DYNC1I1: variants seen among roughly 807,000 people sequenced by gnomAD.
The protein encoded by DYNC1I1 is cytoplasmic dynein 1 intermediate chain 1.
DYNC1I1 carries 43 observed loss-of-function variants against 86.6 expected under a neutral mutation model. The observed-to-expected ratio is 0.50, with a 90% CI of 0.39 to 0.64. The LOEUF (loss-of-function observed/expected upper bound fraction) is 0.64, where lower values mean the gene tolerates loss of function less well. Among genes scored for constraint, DYNC1I1 ranks in the 30% least tolerant of loss-of-function variants. The pLI is 0.00. For missense variants in DYNC1I1, 604 were observed against 788.8 expected (o/e 0.77, Z 2.81); for synonymous variants, 262 against 283.7 (o/e 0.92, Z 0.77).
chr7:96,109,313 T>C (rs7788336), intron 16 of DYNC1I1, among the ~76,000 whole-genome samples: 25,696 of 151,688 alleles, frequency 0.17, 2,368 homozygotes, highest in Middle Eastern at 0.2. Flanking sequence ...GCTGCACCCA[T>C]TAACTCGTCT....
chr7:96,091,397 C>A (rs1790841612), intron 16 of DYNC1I1, among the ~76,000 whole-genome samples: 1 of 152,118 alleles, frequency 6.6e-6, no homozygotes, highest in Non-Finnish European at 1.5e-5. Flanking sequence ...AAAATTACTT[C>A]ATCTAATTGA....
In DYNC1I1 at chr7:95,996,125, A is replaced by G. The variant is rs774850187; in HGVS notation, c.969+52A>G. ...TTACATCTCCTGCTAGACCAAATAT[A>G]GTTTGTGCTGCATTGCATCTGTCTT... is the stretch of plus-strand genomic sequence containing the variant. On this transcript the variant is annotated intron_variant, in intron 10 of 16. Coordinates refer to ENST00000447467, the MANE Select transcript of DYNC1I1 (RefSeq NM_001135556.2). The G allele has an allele frequency of 5.6e-6, 9 of 1,611,346 alleles. No homozygotes were observed. The South Asian group carries it at 9.9e-5, about 18-fold the overall frequency.
At chr7:96,052,313 GA>G (rs1269758654) in intron 14 of DYNC1I1, among the ~76,000 whole-genome samples, 1 of 151,896 alleles carries the variant, frequency 6.6e-6, no homozygotes, top group Non-Finnish European at 1.5e-5. Flanking sequence ...CCATAACATT[GA>G]AAAAAGAAAG....
intron 5 of DYNC1I1, among the ~76,000 whole-genome samples, chr7:95,839,953 G>A (rs182301619): frequency 6.6e-6 from 1 of 152,102 alleles, no homozygotes; most frequent in African/African-American, 2.4e-5. Context: ...GTCTTATGAG[G>A]GTTCTCAGGT....
chr7:95,861,480 A>T (rs1174009747), intron 5 of DYNC1I1, among the ~76,000 whole-genome samples: 2 of 152,176 alleles, frequency 1.3e-5, no homozygotes, highest in Non-Finnish European at 1.5e-5. Context: ...ATGCGCCTTT[A>T]TTTAGGATTA....
chr7:96,091,993 A>G (rs574478514), intron 16 of DYNC1I1, among the ~76,000 whole-genome samples: 62 of 152,216 alleles, frequency 4.1e-4, no homozygotes, highest in Non-Finnish European at 7.8e-4. Context: ...ATAAATACTT[A>G]TATTTTAAAC....
intron 6 of DYNC1I1, among the ~76,000 whole-genome samples, chr7:95,889,736 A>T (rs1790687788): frequency 6.6e-6 from 1 of 152,174 alleles, no homozygotes; most frequent in Admixed American, 6.5e-5. Flanking sequence ...AAAAACTTTA[A>T]CAAATTTACA....
At position 95,851,705 on chromosome 7, in the gene DYNC1I1, C is replaced by A. The variant is rs573477799; in HGVS notation, c.375-18178C>A. On this transcript the variant is annotated intron_variant, in intron 5 of 16. Coordinates refer to ENST00000447467, the MANE Select transcript of DYNC1I1 (RefSeq NM_001135556.2). ...TTAGACCAGAGTTTCGCTCTTGTTGCCCAGGCTGGTGTGCAATGTCATGAT... is the reference window on the plus strand; with the variant it reads ...TTAGACCAGAGTTTCGCTCTTGTTGACCAGGCTGGTGTGCAATGTCATGAT... 3.8e-3 allele frequency among the ~76,000 whole-genome samples: 579 copies of A among 152,296 alleles called. 2 individuals carry two copies. Among genetic ancestry groups the A allele is most frequent in the Middle Eastern group, 0.014 (4 of 294 alleles).
At chr7:96,024,313 T>C (rs1794623379) in intron 10 of DYNC1I1, among the ~76,000 whole-genome samples, 1 of 152,188 alleles carries the variant, frequency 6.6e-6, no homozygotes, top group South Asian at 2.1e-4. Flanking sequence ...CTCATGCTAG[T>C]CTCGAACTCC....
chr7:95,937,047 G>A (rs1339991950), intron 6 of DYNC1I1, among the ~76,000 whole-genome samples: 1 of 150,344 alleles, frequency 6.7e-6, no homozygotes, highest in African/African-American at 2.4e-5. Context: ...TGAAACTTGA[G>A]GACATTATGC....
intron 10 of DYNC1I1, among the ~76,000 whole-genome samples, chr7:95,997,044 G>A (rs1793884295): frequency 6.6e-6 from 1 of 152,144 alleles, no homozygotes; most frequent in Non-Finnish European, 1.5e-5. Context: ...TTGGGGAATA[G>A]GAGCTGCTGG....
At chr7:95,908,079 G>A (rs1791222971) in intron 6 of DYNC1I1, among the ~76,000 whole-genome samples, 1 of 152,074 alleles carries the variant, frequency 6.6e-6, no homozygotes, top group Non-Finnish European at 1.5e-5. Flanking sequence ...ATTTAGTTAA[G>A]CAGTCATGGG....
chr7:95,973,450 T>A (rs1388308182), intron 6 of DYNC1I1, among the ~76,000 whole-genome samples: 1 of 152,214 alleles, frequency 6.6e-6, no homozygotes, highest in Admixed American at 6.5e-5. Context: ...GCAGGTACTA[T>A]TTTTTAAATT....
chr7:95,884,771 C>T (rs763067708), intron 6 of DYNC1I1, among the ~76,000 whole-genome samples: 8 of 138,076 alleles, frequency 5.8e-5, no homozygotes, highest in African/African-American at 1.4e-4. Flanking sequence ...CCGTTCTCCA[C>T]GAAAAGGAAG....
In DYNC1I1 at chr7:95,790,363, C is replaced by A. The variant is rs553343667; in HGVS notation, c.-9-14358C>A. Among the ~76,000 whole-genome samples the A allele has an allele frequency of 9.8e-5, 15 of 152,318 alleles. No individual in the cohort carries two copies. In the South Asian group the frequency reaches 3.1e-3, roughly 32 times the overall value. On this transcript the variant is annotated intron_variant, in intron 1 of 16. Coordinates refer to ENST00000447467, the MANE Select transcript of DYNC1I1 (RefSeq NM_001135556.2). The stretch of plus-strand genomic sequence containing the variant: ...TCACTGTTCCATCCATATCTCATTA[C>A]TTGTCCCACAAACTGGTCATTCTTC...
chr7:95,878,765 TC>T (rs1170023453), intron 6 of DYNC1I1, among the ~76,000 whole-genome samples: 8 of 151,998 alleles, frequency 5.3e-5, no homozygotes, highest in Admixed American at 5.2e-4. Context: ...AGCAAATAGT[TC>T]CATAGACACA....
intron 6 of DYNC1I1, among the ~76,000 whole-genome samples, chr7:95,966,744 A>G (rs370728813): frequency 2.6e-5 from 4 of 152,348 alleles, no homozygotes; most frequent in African/African-American, 9.6e-5. Context: ...GATTCAATAA[A>G]TCAATAGCTA....
chr7:96,050,698 T>C (rs1252416997), intron 14 of DYNC1I1, among the ~76,000 whole-genome samples: 1 of 152,182 alleles, frequency 6.6e-6, no homozygotes, highest in Non-Finnish European at 1.5e-5. Flanking sequence ...CCACTAGACC[T>C]GCTTCTTCAA....
chr7:95,952,970 T>C (rs965921622), intron 6 of DYNC1I1, among the ~76,000 whole-genome samples: 2 of 151,740 alleles, frequency 1.3e-5, no homozygotes, highest in African/African-American at 4.8e-5. Context: ...AGTCCAGGGG[T>C]GACCATAGAG....
Sources: gnomAD v4.1 joint callset for allele counts (sites outside exome capture counted in the v4.1 genomes callset) on GRCh38, gnomAD v4.1.1 for gene constraint, MANE v1.5 for transcripts, NCBI Gene and HGNC (gene_info 2026-07-23, HGNC 2026-07-21) for gene names.